Variants in ROBO2 observed in about 807,000 individuals in gnomAD.
The protein encoded by ROBO2 is roundabout guidance receptor 2.
ROBO2 carries 53 observed loss-of-function variants against 160.8 expected under a neutral mutation model. The observed-to-expected ratio is 0.33, with a 90% CI of 0.26 to 0.41. ROBO2 has a LOEUF of 0.41. ROBO2 is among the 10% of genes least tolerant of loss of function. The pLI is 1.00. For missense variants in ROBO2, 1,577 were observed against 1,722.4 expected, an observed-to-expected ratio of 0.92 and a Z score of 1.49; for synonymous variants, 664 against 611.7, an observed-to-expected ratio of 1.09 and a Z score of -1.26.
At chr3:76,335,897 C>A (rs1356387083) in intron 2 of ROBO2, among the ~76,000 whole-genome samples, 1 of 152,126 alleles carries the variant, frequency 6.6e-6, no homozygotes, top group Non-Finnish European at 1.5e-5. Context: ...CTTTTAATGA[C>A]TGCATTCTGC....
chr3:76,988,695 C>A (rs1022747653), intron 2 of ROBO2, among the ~76,000 whole-genome samples: 2 of 152,030 alleles, frequency 1.3e-5, no homozygotes, highest in African/African-American at 4.8e-5. Flanking sequence ...GATTAATTTT[C>A]TTTGTTTCAG....
chr3:77,288,927 A>C (rs185724222), intron 2 of ROBO2, among the ~76,000 whole-genome samples: 7 of 152,288 alleles, frequency 4.6e-5, no homozygotes, highest in Non-Finnish European at 1.5e-5. Context: ...AGTTGTCAAT[A>C]TATTTACGGC....
intron 2 of ROBO2, among the ~76,000 whole-genome samples, chr3:76,049,548 G>A (rs2107807952): frequency 6.6e-6 from 1 of 150,902 alleles, no homozygotes; most frequent in South Asian, 2.1e-4. Context: ...CTGGCCACAA[G>A]CGTTCCTTTA....
chr3:76,735,463 G>A (rs907086560), intron 2 of ROBO2, among the ~76,000 whole-genome samples: 1 of 151,974 alleles, frequency 6.6e-6, no homozygotes, highest in African/African-American at 2.4e-5. Context: ...GCGGGGCATG[G>A]GTTAAAAACC....
chr3:77,113,400 T>C (rs2073874041), intron 2 of ROBO2, among the ~76,000 whole-genome samples: 2 of 152,244 alleles, frequency 1.3e-5, no homozygotes, highest in South Asian at 4.1e-4. Flanking sequence ...TGTGAAATCC[T>C]TCCTAAGTAC....
chr3:77,061,058 C>G (rs2066250466), intron 1 of ROBO2, among the ~76,000 whole-genome samples: 1 of 152,070 alleles, frequency 6.6e-6, no homozygotes, highest in Non-Finnish European at 1.5e-5. Flanking sequence ...GCCTCAGACT[C>G]CTGAGTAGCT....
intron 2 of ROBO2, among the ~76,000 whole-genome samples, chr3:76,942,175 C>T (rs2078231916): frequency 6.6e-6 from 1 of 152,098 alleles, no homozygotes; most frequent in Admixed American, 6.6e-5. Flanking sequence ...TTAAACTGTT[C>T]AGTAGTTTGT....
intron 2 of ROBO2, among the ~76,000 whole-genome samples, chr3:76,640,889 A>G (rs2109688691): frequency 6.6e-6 from 1 of 152,382 alleles, no homozygotes; most frequent in Middle Eastern, 3.4e-3. Context: ...GGGAGTGCAC[A>G]GTGGCCAAAG....
At chr3:76,389,801 G>A (rs201559579) in intron 2 of ROBO2, among the ~76,000 whole-genome samples, 7 of 152,002 alleles carry the variant, frequency 4.6e-5, no homozygotes, top group East Asian at 1.9e-4. Flanking sequence ...AAGTTTCATC[G>A]ATTACATTTA....
rs1049684713 is a variant in ROBO2 at position 76,508,573 on chromosome 3, T to C, written c.109+570971T>C. On this transcript the variant is annotated intron_variant, in intron 2 of 26. Transcript: ENST00000487694. ...TAAGTAGGTGGAGGAAACATCCATA[T>C]CTATGTTTAAAAATAATCATTAATC... Among the ~76,000 whole-genome samples, 13 of 152,176 alleles carry C rather than the reference T, an allele frequency of 8.5e-5. 1 individual carries two copies. Among genetic ancestry groups the C allele is most frequent in the Non-Finnish European group, 1.5e-5 (1 of 68,004 alleles).
rs541182262 is a variant in ROBO2, at chr3:76,195,887, C to T, written c.109+258285C>T. Among the ~76,000 whole-genome samples, 4 of 152,208 alleles carry T rather than the reference C, an allele frequency of 2.6e-5. No individual in the cohort carries two copies. In the East Asian group the frequency reaches 5.8e-4, roughly 22 times the overall value. On this transcript the variant is annotated intron_variant, in intron 2 of 26. Transcript: ENST00000487694. ...GGGTGTGAGGTTTAAGGAAGTGCCA[C>T]TTACGTCTTAGCCACATCCTTAGTT...
intron 2 of ROBO2, among the ~76,000 whole-genome samples, chr3:77,436,802 G>T (rs1341920963): frequency 1.3e-5 from 2 of 151,778 alleles, no homozygotes; most frequent in African/African-American, 4.8e-5. Flanking sequence ...CCAATTTGAA[G>T]TCTATTCAAA....
At chr3:77,360,151 T>C (rs1472850731) in intron 2 of ROBO2, among the ~76,000 whole-genome samples, 1 of 152,074 alleles carries the variant, frequency 6.6e-6, no homozygotes, top group Non-Finnish European at 1.5e-5. Context: ...ACCACTTCTT[T>C]ATCAGTCACC....
At chr3:75,976,776 A>G (rs1234968956) in intron 2 of ROBO2, among the ~76,000 whole-genome samples, 1 of 151,464 alleles carries the variant, frequency 6.6e-6, no homozygotes, top group Non-Finnish European at 1.5e-5. Context: ...AATTAGAAAC[A>G]AGAAGAAGAC....
At chr3:76,218,119 A>G (rs1237221645) in intron 2 of ROBO2, among the ~76,000 whole-genome samples, 1 of 152,212 alleles carries the variant, frequency 6.6e-6, no homozygotes, top group African/African-American at 2.4e-5. Flanking sequence ...ACAGCCCTTC[A>G]TGCTAAAAAC....
chr3:76,465,998 G>GTGTGTGT (rs1553763872), intron 2 of ROBO2, among the ~76,000 whole-genome samples: 1 of 147,566 alleles, frequency 6.8e-6, no homozygotes, highest in African/African-American at 2.5e-5. Flanking sequence ...ATAAAATATG[G>GTGTGTGT]GTGTGTGTGT....
intron 2 of ROBO2, among the ~76,000 whole-genome samples, chr3:77,139,820 CCTCATTT>C (rs1560093418): frequency 6.6e-6 from 1 of 152,140 alleles, no homozygotes. Context: ...CTTTGCTTCC[CCTCATTT>C]TGATAATTAT....
In ROBO2 at chr3:76,405,858, A is replaced by G. The variant is rs144615163; in HGVS notation, c.109+468256A>G. ...CATATGGACAAATTATATCTGGAAA[A>G]TAATCATGCCTTTTGAAAATGATTT... On this transcript the variant is annotated intron_variant, in intron 2 of 26. Transcript: ENST00000487694. Among the ~76,000 whole-genome samples the G allele has an allele frequency of 1.3e-3, 199 of 151,854 alleles. 1 individual carries two copies. The highest frequency in any genetic ancestry group is 4.5e-3 in the African/African-American group (187 of 41,520).
chr3:76,214,208 C>T (rs1237779418), intron 2 of ROBO2, among the ~76,000 whole-genome samples: 1 of 152,186 alleles, frequency 6.6e-6, no homozygotes, highest in Non-Finnish European at 1.5e-5. Context: ...CATGATACAA[C>T]AGTCCATACA....
Sources: gnomAD v4.1 joint callset for allele counts (sites outside exome capture counted in the v4.1 genomes callset) on GRCh38, gnomAD v4.1.1 for gene constraint, MANE v1.5 for transcripts, NCBI Gene and HGNC (gene_info 2026-07-23, HGNC 2026-07-21) for gene names.